GRM5: variants seen among roughly 807,000 people sequenced by gnomAD.
GRM5 encodes the protein glutamate metabotropic receptor 5, also known as metabotropic glutamate receptor 5.
GRM5 carries 19 observed loss-of-function variants against 83.1 expected under a neutral mutation model. The observed-to-expected ratio is 0.23, with a 90% confidence interval of 0.16 to 0.34. The LOEUF (loss-of-function observed/expected upper bound fraction) is 0.34, where lower values mean the gene tolerates loss of function less well. GRM5 is among the 10% of genes least tolerant of loss of function. The pLI is 1.00. For synonymous variants in GRM5, 675 were observed against 633.6 expected (o/e 1.07, Z -0.98); for missense variants, 1,160 against 1,588.3 (o/e 0.73, Z 4.58).
chr11:89,044,369 T>C lies in GRM5; in HGVS notation c.661+2843A>G, dbSNP rs1591073578. ...GTGTAATAGAACAAGCCACAGTAAATACCCAGTCACACAGCCTACTAAAGC... is the reference window on the plus strand; with the variant it reads ...GTGTAATAGAACAAGCCACAGTAAACACCCAGTCACACAGCCTACTAAAGC... On this transcript the variant is annotated intron_variant, in intron 2 of 9. Transcript: ENST00000305447. 3.3e-5 allele frequency among the ~76,000 whole-genome samples: 5 copies of C among 152,184 alleles called. No homozygotes were observed. The South Asian group carries it at 1.0e-3, about 32-fold the overall frequency.
intron 3 of GRM5, among the ~76,000 whole-genome samples, chr11:88,716,863 TAGC>T (rs1941411125): frequency 6.6e-6 from 1 of 151,994 alleles, no homozygotes; most frequent in African/African-American, 2.4e-5. Flanking sequence ...GTTTTTATTC[TAGC>T]ATATGCCTTA....
intron 3 of GRM5, among the ~76,000 whole-genome samples, chr11:88,667,729 T>TA (rs1157193857): frequency 4.0e-5 from 6 of 151,592 alleles, no homozygotes; most frequent in Non-Finnish European, 7.4e-5. Context: ...CCGTCTCTAC[T>TA]TAAAAAACAC....
chr11:89,016,799 T>A (rs1012576156), intron 2 of GRM5, among the ~76,000 whole-genome samples: 1 of 152,120 alleles, frequency 6.6e-6, no homozygotes, highest in Non-Finnish European at 1.5e-5. Flanking sequence ...CTACCTCTAG[T>A]GGGATAGGAT....
At chr11:89,055,297 A>C (rs968378065) in intron 1 of GRM5, among the ~76,000 whole-genome samples, 3 of 152,174 alleles carry the variant, frequency 2.0e-5, no homozygotes, top group Non-Finnish European at 4.4e-5. Context: ...TGGCAATTGG[A>C]GTGACAGCAG....
intron 3 of GRM5, among the ~76,000 whole-genome samples, chr11:88,802,014 T>TG (rs1023579377): frequency 2.6e-5 from 4 of 151,818 alleles, no homozygotes; most frequent in African/African-American, 9.7e-5. Flanking sequence ...GAAACAAGCG[T>TG]GGGGGAGGGA....
chr11:88,724,769 G>C (rs1440691038), intron 3 of GRM5, among the ~76,000 whole-genome samples: 1 of 152,106 alleles, frequency 6.6e-6, no homozygotes, highest in African/African-American at 2.4e-5. Context: ...AGCTGAAGCA[G>C]GGTGGGGCAT....
At chr11:88,748,819 G>A (rs1436095208) in intron 3 of GRM5, among the ~76,000 whole-genome samples, 3 of 152,090 alleles carry the variant, frequency 2.0e-5, no homozygotes, top group Non-Finnish European at 4.4e-5. Flanking sequence ...ACTGGGTTCT[G>A]GAGTGGACCC....
intron 3 of GRM5, among the ~76,000 whole-genome samples, chr11:88,696,209 A>AT (rs1248877774): frequency 2.6e-5 from 4 of 152,012 alleles, no homozygotes; most frequent in African/African-American, 9.7e-5. Context: ...TCCTGGCTGA[A>AT]TTTCACTGTT....
intron 5 of GRM5, among the ~76,000 whole-genome samples, chr11:88,602,041 C>T (rs77489717): frequency 0.029 from 4,354 of 150,934 alleles, 174 homozygotes; most frequent in African/African-American, 0.088. Flanking sequence ...TATTTCTTAT[C>T]GGTAATTGTG....
At chr11:89,050,195 T>C (rs1047839665) in intron 1 of GRM5, among the ~76,000 whole-genome samples, 4 of 152,220 alleles carry the variant, frequency 2.6e-5, no homozygotes, top group African/African-American at 9.6e-5. Flanking sequence ...ATGCGAAGTT[T>C]GTTACTTATT....
chr11:88,799,853 T>C (rs1287755644), intron 3 of GRM5, among the ~76,000 whole-genome samples: 2 of 152,148 alleles, frequency 1.3e-5, no homozygotes, highest in Admixed American at 1.3e-4. Flanking sequence ...AACTAAATAC[T>C]GGATAATGCA....
intron 1 of GRM5, among the ~76,000 whole-genome samples, chr11:89,052,867 A>G (rs1425315508): frequency 6.6e-6 from 1 of 152,160 alleles, no homozygotes; most frequent in Non-Finnish European, 1.5e-5. Flanking sequence ...GGATGTTTGA[A>G]CTGTATTATT....
intron 3 of GRM5, among the ~76,000 whole-genome samples, chr11:88,686,678 G>T (rs1940630643): frequency 6.6e-6 from 1 of 152,098 alleles, no homozygotes; most frequent in Non-Finnish European, 1.5e-5. Flanking sequence ...TGTCCTTACG[G>T]TAGTGAATAA....
At chr11:88,800,346 T>C (rs1368724197) in intron 3 of GRM5, among the ~76,000 whole-genome samples, 2 of 152,080 alleles carry the variant, frequency 1.3e-5, no homozygotes, top group Non-Finnish European at 2.9e-5. Flanking sequence ...AAAGAGAGAT[T>C]GTCATAGCAA....
chr11:88,817,040 A>T (rs1030472876), intron 3 of GRM5, among the ~76,000 whole-genome samples: 4 of 152,116 alleles, frequency 2.6e-5, no homozygotes, highest in African/African-American at 9.7e-5. Flanking sequence ...CAAGCAAAAA[A>T]CTTCAAATTT....
chr11:88,850,412 A>T, intron 2 of GRM5, among the ~76,000 whole-genome samples: 1 of 152,188 alleles, frequency 6.6e-6, no homozygotes, highest in East Asian at 1.9e-4. Context: ...TAAGCAATTC[A>T]TCATCCTTTT....
chr11:88,867,684 T>C (rs1057348797), intron 2 of GRM5, among the ~76,000 whole-genome samples: 2 of 151,382 alleles, frequency 1.3e-5, no homozygotes, highest in Non-Finnish European at 3.0e-5. Context: ...GGGGTCCTTA[T>C]AGGAAGAGAT....
intron 3 of GRM5, among the ~76,000 whole-genome samples, chr11:88,752,772 G>A (rs1942307048): frequency 6.6e-6 from 1 of 152,052 alleles, no homozygotes; most frequent in African/African-American, 2.4e-5. Context: ...TAAACCAATG[G>A]AACAGAAGAG....
chr11:88,758,958 C>A (rs974476655), intron 3 of GRM5, among the ~76,000 whole-genome samples: 1 of 152,074 alleles, frequency 6.6e-6, no homozygotes, highest in Non-Finnish European at 1.5e-5. Flanking sequence ...GAAATTCGAA[C>A]CCAGAATTTC....
Sources: gnomAD v4.1 joint callset for allele counts (sites outside exome capture counted in the v4.1 genomes callset) on GRCh38, gnomAD v4.1.1 for gene constraint, MANE v1.5 for transcripts, NCBI Gene and HGNC (gene_info 2026-07-23, HGNC 2026-07-21) for gene names.